Variants in ADGB observed in about 807,000 individuals in gnomAD.
ADGB encodes calpain-7-like protein.
A neutral mutation model predicts 210.5 loss-of-function variants in ADGB; 172 were observed. The observed-to-expected ratio is 0.82, with a 90% CI of 0.72 to 0.93. The LOEUF (loss-of-function observed/expected upper bound fraction) is 0.93. Among genes scored for constraint, ADGB ranks in the 40% least tolerant of loss-of-function variants. The pLI, the probability that ADGB is intolerant of heterozygous loss-of-function variation, is 0.00. For synonymous variants in ADGB, 658 were observed against 662.7 expected (o/e 0.99, Z 0.11); for missense variants, 2,025 against 1,964.8 (o/e 1.03, Z -0.58).
chr6:146,749,364 G>T (rs942912114), intron 26 of ADGB, among the ~76,000 whole-genome samples: 5 of 152,136 alleles, frequency 3.3e-5, no homozygotes, highest in African/African-American at 1.2e-4. Flanking sequence ...AGGAAAGTTT[G>T]CAAAATGAGA....
At chr6:146,650,573 T>A (rs1583574648) in intron 3 of ADGB, among the ~76,000 whole-genome samples, 4 of 42,982 alleles carry the variant, frequency 9.3e-5, no homozygotes, top group Non-Finnish European at 1.2e-4. Flanking sequence ...ACAGATACAA[T>A]AAATACTCCT....
Position 146,664,419 on chromosome 6 carries a change from A to AT in ADGB, c.752+86dup, listed in dbSNP as rs548940630. On this transcript the variant is annotated intron_variant, in intron 6 of 35. Coordinates refer to ENST00000397944, the MANE Select transcript of ADGB (RefSeq NM_024694.4). ...ACTATACATTTGTATTGCATAATTTATTTTTTTAAAATTAGCTAAAAGACA... is the reference window on the plus strand; with the variant it reads ...ACTATACATTTGTATTGCATAATTTATTTTTTTTAAAATTAGCTAAAAGACA... The AT allele has an allele frequency of 4.3e-5, 59 of 1,359,514 alleles. No individual in the cohort carries two copies. The East Asian group carries it at 5.8e-4, about 13-fold the overall frequency. The allele number at this position is 1,359,514 out of a possible 1,614,324, so 84.2% of individuals were successfully genotyped here.
intron 35 of ADGB, among the ~76,000 whole-genome samples, chr6:146,813,294 T>A (rs1285428799): frequency 3.3e-5 from 5 of 151,866 alleles, no homozygotes; most frequent in African/African-American, 7.3e-5. Flanking sequence ...CTTTAAGGCA[T>A]GTTCTTCTGG....
intron 13 of ADGB, among the ~76,000 whole-genome samples, chr6:146,706,761 T>G (rs1184303901): frequency 1.3e-5 from 2 of 151,936 alleles, no homozygotes; most frequent in African/African-American, 4.8e-5. Flanking sequence ...ATTTCTGATT[T>G]TGTTTGAGTC....
chr6:146,657,014 A>G, intron 5 of ADGB, 34 bp downstream of exon 5: 1 of 1,493,960 alleles, frequency 6.7e-7, no homozygotes, highest in South Asian at 1.2e-5. Context: ...AAAACTCATG[A>G]GTCTTTCATA....
intron 2 of ADGB, among the ~76,000 whole-genome samples, chr6:146,642,363 A>G (rs1378781186): frequency 6.6e-6 from 1 of 151,928 alleles, no homozygotes; most frequent in Non-Finnish European, 1.5e-5. Flanking sequence ...CCACCATTTG[A>G]CCCAGCAATC....
At chr6:146,763,356 G>A (rs1043085765) in intron 27 of ADGB, among the ~76,000 whole-genome samples, 1 of 152,052 alleles carries the variant, frequency 6.6e-6, no homozygotes, top group African/African-American at 2.4e-5. Flanking sequence ...TTCAATACAT[G>A]TTTGATGAAT....
chr6:146,635,781 T>C (rs1451457455), intron 2 of ADGB, among the ~76,000 whole-genome samples: 1 of 151,974 alleles, frequency 6.6e-6, no homozygotes, highest in Non-Finnish European at 1.5e-5. Context: ...AGAATCATAA[T>C]GATATAAAGG....
chr6:146,622,137 C>A (rs1479428285), intron 1 of ADGB, among the ~76,000 whole-genome samples: 1 of 152,120 alleles, frequency 6.6e-6, no homozygotes, highest in Non-Finnish European at 1.5e-5. Context: ...CTAATGACTA[C>A]TGATGTTGAT....
chr6:146,617,075 G>A (rs1344994699), intron 1 of ADGB, among the ~76,000 whole-genome samples: 1 of 151,960 alleles, frequency 6.6e-6, no homozygotes. Context: ...TCCAATTTAT[G>A]AGAATGAGAT....
At chr6:146,734,264 T>C (rs7753385) in intron 22 of ADGB, among the ~76,000 whole-genome samples, 76,402 of 152,002 alleles carry the variant, frequency 0.5, 20,223 homozygotes, top group African/African-American at 0.67. Context: ...GCTGAAAGAA[T>C]GAGTGAAAAA....
chr6:146,812,179 A>T (rs748422713), intron 35 of ADGB, among the ~76,000 whole-genome samples: 4 of 152,138 alleles, frequency 2.6e-5, no homozygotes, highest in Non-Finnish European at 5.9e-5. Context: ...TTAATAACAG[A>T]TTTTTCCCCA....
intron 1 of ADGB, among the ~76,000 whole-genome samples, chr6:146,599,769 T>C (rs1780525802): frequency 6.6e-6 from 1 of 152,216 alleles, no homozygotes; most frequent in South Asian, 2.1e-4. Context: ...TATTATTTTC[T>C]GTGGTCTGTT....
chr6:146,691,833 T>C (rs1329893306), intron 11 of ADGB, among the ~76,000 whole-genome samples: 1 of 151,826 alleles, frequency 6.6e-6, no homozygotes, highest in African/African-American at 2.4e-5. Flanking sequence ...GCTTTTAGGG[T>C]TACAAAAACT....
At chr6:146,729,746 A>G (rs183525414) in intron 20 of ADGB, among the ~76,000 whole-genome samples, 2 of 152,172 alleles carry the variant, frequency 1.3e-5, no homozygotes, top group African/African-American at 2.4e-5. Context: ...CCTGGCCAAC[A>G]TGGGATACTT....
At chr6:146,691,411 A>ATATATATATATATATATATAT (rs1776305900) in intron 11 of ADGB, 121 bp downstream of exon 11, 1 of 98,242 alleles carries the variant, frequency 1.0e-5, no homozygotes, top group African/African-American at 1.2e-4. Context: ...GCCTATGTTT[A>ATATATATATATATATATATAT]ATATATATAT....
chr6:146,706,844 T>C lies in ADGB; in HGVS notation c.1707+5774T>C, dbSNP rs1450080427. On this transcript the variant is annotated intron_variant, in intron 13 of 35. Coordinates refer to ENST00000397944, the MANE Select transcript of ADGB (RefSeq NM_024694.4). The stretch of plus-strand genomic sequence containing the variant: ...TTTATCTTTTCAAAGATCAGCTTAG[T>C]GTTTTTTTTTTTTTTTTTACTTTTC... Among the ~76,000 whole-genome samples, 3 of 111,314 alleles carry C rather than the reference T, an allele frequency of 2.7e-5. No homozygotes were observed. In the East Asian group the frequency reaches 7.7e-4, roughly 29 times the overall value. The allele number at this position is 111,314 out of a possible 152,430, so 73.0% of individuals were successfully genotyped here. A position where few individuals can be genotyped will look rare whatever the true frequency, so the allele number is the denominator to read the frequency against.
intron 13 of ADGB, among the ~76,000 whole-genome samples, chr6:146,712,506 C>CTT (rs1776673288): frequency 6.6e-6 from 1 of 151,358 alleles, no homozygotes; most frequent in East Asian, 1.9e-4. Flanking sequence ...TTTTTTTGTT[C>CTT]TGTTTTGTTT....
chr6:146,799,314 C>T (rs1180776960), intron 33 of ADGB, among the ~76,000 whole-genome samples: 1 of 151,884 alleles, frequency 6.6e-6, no homozygotes, highest in Non-Finnish European at 1.5e-5. Flanking sequence ...TAAAAAGATA[C>T]ACTAACTGGG....
Sources: allele counts gnomAD v4.1 joint callset (sites outside exome capture counted in the v4.1 genomes callset), GRCh38; gene constraint gnomAD v4.1.1; transcripts MANE v1.5; gene names NCBI Gene and HGNC (gene_info 2026-07-23, HGNC 2026-07-21).